TEKT5: variants seen among roughly 807,000 people sequenced by gnomAD.
TEKT5 encodes tektin-5.
Under a neutral mutation model 48.7 loss-of-function variants are expected in TEKT5, and 52 were observed. The ratio of observed to expected loss-of-function variants is 1.07; its 90% CI spans 0.86 to 1.35. TEKT5 has a LOEUF of 1.35. Among genes scored for constraint, TEKT5 ranks in the 40% most tolerant of loss-of-function variants. TEKT5 has a pLI of 0.00. For synonymous variants in TEKT5, 318 were observed against 267.6 expected, an observed-to-expected ratio of 1.19 and a Z score of -1.84; for missense variants, 831 against 641.6, an observed-to-expected ratio of 1.30 and a Z score of -3.19.
chr16:10,662,260 G>A (rs1040775463), intron 5 of TEKT5, among the ~76,000 whole-genome samples: 3 of 152,158 alleles, frequency 2.0e-5, no homozygotes, highest in Non-Finnish European at 4.4e-5. Flanking sequence ...TGCCCCTGGG[G>A]GAAATGGGGG....
At chr16:10,692,356 T>C (rs182763247) in intron 1 of TEKT5, among the ~76,000 whole-genome samples, 55 of 152,222 alleles carry the variant, frequency 3.6e-4, no homozygotes, top group African/African-American at 1.0e-3. Flanking sequence ...CCTAGAGTGA[T>C]AGAAACCTAT....
intron 5 of TEKT5, among the ~76,000 whole-genome samples, chr16:10,665,703 C>T (rs1196571062): frequency 2.6e-5 from 4 of 152,190 alleles, no homozygotes; most frequent in African/African-American, 9.7e-5. Flanking sequence ...CCAGGGACCC[C>T]TCATGCTGGG....
intron 5 of TEKT5, among the ~76,000 whole-genome samples, chr16:10,637,032 C>A (rs2719675): frequency 0.16 from 23,698 of 145,378 alleles, 2,724 homozygotes; most frequent in African/African-American, 0.32. Context: ...CCAGGGCTGG[C>A]GTGCAGTGGT....
intron 5 of TEKT5, among the ~76,000 whole-genome samples, chr16:10,655,897 A>C (rs1380614686): frequency 6.6e-6 from 1 of 152,176 alleles, no homozygotes; most frequent in African/African-American, 2.4e-5. Context: ...TGTGAGAGGA[A>C]AGTAGACTTC....
At chr16:10,666,898 C>T (rs1163265393) in intron 5 of TEKT5, among the ~76,000 whole-genome samples, 1 of 152,012 alleles carries the variant, frequency 6.6e-6, no homozygotes, top group Admixed American at 6.6e-5. Context: ...GAACTATCTA[C>T]ACTGATGCAG....
At chr16:10,657,589 ATTT>A (rs57853009) in intron 5 of TEKT5, among the ~76,000 whole-genome samples, 1 of 141,794 alleles carries the variant, frequency 7.1e-6, no homozygotes. Context: ...TCCCCTTTCA[ATTT>A]TTTTTTTTTT....
At chr16:10,628,014 ATTTT>A (rs5815592) in intron 6 of TEKT5, among the ~76,000 whole-genome samples, 52 of 147,696 alleles carry the variant, frequency 3.5e-4, no homozygotes, top group Non-Finnish European at 6.9e-4. Flanking sequence ...TAATTTTTGT[ATTTT>A]TTTTTTTATT....
chr16:10,681,861 A>G (rs552536768), intron 4 of TEKT5, 132 bp downstream of exon 4: 11 of 1,234,932 alleles, frequency 8.9e-6, no homozygotes. Flanking sequence ...CCTGCGCTAG[A>G]GGATCCCCGT....
At chr16:10,651,655 G>A (rs888477875) in intron 5 of TEKT5, among the ~76,000 whole-genome samples, 4 of 152,186 alleles carry the variant, frequency 2.6e-5, no homozygotes, top group African/African-American at 4.8e-5. Flanking sequence ...ACCATGGAGT[G>A]TGCGTTAAAG....
intron 5 of TEKT5, among the ~76,000 whole-genome samples, chr16:10,645,715 T>C (rs1295834016): frequency 1.3e-5 from 2 of 151,796 alleles, no homozygotes; most frequent in Admixed American, 6.6e-5. Context: ...GACAGGAAAA[T>C]CGCTTGAACC....
intron 6 of TEKT5, 76 bp downstream of exon 6, chr16:10,635,688 A>G: frequency 6.4e-7 from 1 of 1,550,404 alleles, no homozygotes; most frequent in Non-Finnish European, 8.7e-7. Context: ...GTGCACCTAG[A>G]AGCTCCTGAG....
chr16:10,690,610 T>C, intron 1 of TEKT5: 1 of 985,370 alleles, frequency 1.0e-6, no homozygotes, highest in Non-Finnish European at 1.2e-6. Flanking sequence ...TGAATATGCA[T>C]GAAAACCCCT....
chr16:10,666,920 C>T (rs1381927728), intron 5 of TEKT5, among the ~76,000 whole-genome samples: 2 of 151,770 alleles, frequency 1.3e-5, no homozygotes, highest in Non-Finnish European at 1.5e-5. Flanking sequence ...GGTAACTATT[C>T]TGCCAGGGAT....
chr16:10,657,730 C>G (rs1328360837), intron 5 of TEKT5, among the ~76,000 whole-genome samples: 1 of 151,476 alleles, frequency 6.6e-6, no homozygotes, highest in African/African-American at 2.4e-5. Context: ...GCTGGGACTA[C>G]AGGCGCCCAC....
At chr16:10,665,424 G>A (rs767387692) in intron 5 of TEKT5, among the ~76,000 whole-genome samples, 38 of 152,180 alleles carry the variant, frequency 2.5e-4, no homozygotes, top group Non-Finnish European at 5.3e-4. Context: ...GCGTTCCTGA[G>A]CATAGGTGGT....
At chr16:10,664,960 A>G (rs1194763459) in intron 5 of TEKT5, among the ~76,000 whole-genome samples, 1 of 152,228 alleles carries the variant, frequency 6.6e-6, no homozygotes, top group Non-Finnish European at 1.5e-5. Flanking sequence ...GACAGAGGAA[A>G]AAACTGAAGC....
intron 1 of TEKT5, among the ~76,000 whole-genome samples, chr16:10,693,263 T>C (rs1899013947): frequency 6.6e-6 from 1 of 152,122 alleles, no homozygotes; most frequent in African/African-American, 2.4e-5. Context: ...ACCCAGCTAA[T>C]TTTGTATTTT....
In TEKT5 at chr16:10,627,617, A is replaced by T; in HGVS notation, c.1424T>A (p.Phe475Tyr). ...GCCCACCAGGCGCGGGGTGCAGGGG[A>T]AGGTCTTACGCATGCCCATGCACTT... Reference protein sequence around the residue: ...KEKCMGMRKTFPCTPRLVGHT With the variant: ...KEKCMGMRKTYPCTPRLVGHT Residue 475 changes from phenylalanine (F) to tyrosine (Y), a missense_variant, in exon 7 of 7, where the codon TTC becomes TAC. Transcript: ENST00000283025. 6.2e-7 allele frequency: 1 copy of T among 1,614,090 alleles called. No homozygotes were observed. Among genetic ancestry groups the T allele is most frequent in the Non-Finnish European group, 8.5e-7 (1 of 1,180,014 alleles).
At chr16:10,669,300 C>CA (rs34296979) in intron 5 of TEKT5, among the ~76,000 whole-genome samples, 50,866 of 148,830 alleles carry the variant, frequency 0.34, 9,696 homozygotes, top group East Asian at 0.54. Context: ...ACTAAATATA[C>CA]AAAAAAAAAA....
Sources: gnomAD v4.1 joint callset for allele counts (sites outside exome capture counted in the v4.1 genomes callset) on GRCh38, gnomAD v4.1.1 for gene constraint, MANE v1.5 for transcripts, NCBI Gene and HGNC (gene_info 2026-07-23, HGNC 2026-07-21) for gene names.